Variants in MALRD1 observed in about 807,000 individuals in gnomAD.
MALRD1 encodes the protein MAM and LDL-receptor class A domain-containing protein 1.
Under a neutral mutation model 242.1 loss-of-function variants are expected in MALRD1, and 247 were observed. That is an observed-to-expected ratio of 1.02 (90% CI 0.92 to 1.13). The LOEUF (loss-of-function observed/expected upper bound fraction) is 1.13, where lower values mean the gene tolerates loss of function less well. Ranked by LOEUF, MALRD1 falls within the 50% of genes most tolerant of loss-of-function variation. The pLI is 0.00. For synonymous variants in MALRD1, 995 were observed against 866.6 expected, an observed-to-expected ratio of 1.15 and a Z score of -2.60; for missense variants, 2,989 against 2,533.1, an observed-to-expected ratio of 1.18 and a Z score of -3.86.
At chr10:19,337,803 C>T (rs892041533) in intron 24 of MALRD1, among the ~76,000 whole-genome samples, 1 of 151,980 alleles carries the variant, frequency 6.6e-6, no homozygotes, top group South Asian at 2.1e-4. Flanking sequence ...TGGTTCACGA[C>T]TGTAATCCCA....
intron 26 of MALRD1, among the ~76,000 whole-genome samples, chr10:19,361,828 G>T (rs373078572): frequency 6.6e-6 from 1 of 152,058 alleles, no homozygotes; most frequent in South Asian, 2.1e-4. Context: ...TAGATCATCT[G>T]CATTTAAACC....
At chr10:19,357,407 T>C (rs2131017696) in intron 26 of MALRD1, among the ~76,000 whole-genome samples, 1 of 152,298 alleles carries the variant, frequency 6.6e-6, no homozygotes, top group Non-Finnish European at 1.5e-5. Context: ...TTATCCTGTA[T>C]TTTTTATATC....
Position 19,233,848 on chromosome 10 carries a change from C to CT in MALRD1, c.2992-23827dup, listed in dbSNP as rs10715312. Reference sequence around the variant, plus strand: ...AATTTCTTTTTTCTCCAATTGGTTTCTTTTTTTTTAATGGGGGAGTGTTGC... The same window carrying CT: ...AATTTCTTTTTTCTCCAATTGGTTTCTTTTTTTTTTAATGGGGGAGTGTTGC... On this transcript the variant is annotated intron_variant, in intron 18 of 39. Transcript: ENST00000454679. Among the ~76,000 whole-genome samples, 53 of 150,290 alleles carry CT rather than the reference C, an allele frequency of 3.5e-4. No homozygotes were observed. In the East Asian group the frequency reaches 6.9e-3, roughly 19 times the overall value.
chr10:19,666,134 C>G (rs1841675558), intron 36 of MALRD1, among the ~76,000 whole-genome samples: 1 of 152,140 alleles, frequency 6.6e-6, no homozygotes, highest in Admixed American at 6.5e-5. Context: ...CTGTTTGCTA[C>G]TCCTCATAGT....
chr10:19,195,853 A>C (rs1836215347), intron 14 of MALRD1, among the ~76,000 whole-genome samples: 1 of 152,144 alleles, frequency 6.6e-6, no homozygotes, highest in Non-Finnish European at 1.5e-5. Context: ...CAGCAAGCAC[A>C]TGCAATTTCC....
At chr10:19,182,924 T>C (rs986357604) in intron 14 of MALRD1, among the ~76,000 whole-genome samples, 2 of 152,196 alleles carry the variant, frequency 1.3e-5, no homozygotes, top group Non-Finnish European at 2.9e-5. Flanking sequence ...TTAATCACAG[T>C]ACATTTTATA....
At chr10:19,250,811 G>T (rs10763900) in intron 18 of MALRD1, among the ~76,000 whole-genome samples, 1 of 151,524 alleles carries the variant, frequency 6.6e-6, no homozygotes, top group Non-Finnish European at 1.5e-5. Context: ...CACATCCTCC[G>T]TCTCTCTGCC....
intron 18 of MALRD1, among the ~76,000 whole-genome samples, chr10:19,234,399 G>GT (rs1184346522): frequency 6.6e-6 from 1 of 151,098 alleles, no homozygotes; most frequent in East Asian, 1.9e-4. Context: ...CACAGTTTAT[G>GT]TTTTATTATT....
Position 19,085,923 on chromosome 10 carries a change from C to CTAA in MALRD1, c.341-1914_341-1912dup, listed in dbSNP as rs200905432. Among the ~76,000 whole-genome samples the CTAA allele has an allele frequency of 7.3e-3, 1,116 of 152,006 alleles. 12 individuals are homozygous for CTAA. Among genetic ancestry groups the CTAA allele is most frequent in the African/African-American group, 0.026 (1,073 of 41,496 alleles). The stretch of plus-strand genomic sequence containing the variant: ...CTGAATGCTATTACCATTTGTATTG[C>CTAA]TAATAGTATTATTTAAACCTAAAAT... On this transcript the variant is annotated intron_variant, in intron 2 of 39. Transcript: ENST00000454679.
intron 18 of MALRD1, among the ~76,000 whole-genome samples, chr10:19,212,284 C>T (rs1466195818): frequency 6.6e-6 from 1 of 152,178 alleles, no homozygotes; most frequent in Non-Finnish European, 1.5e-5. Context: ...TGCTTTCTGT[C>T]ACTGGACGGT....
At chr10:19,653,504 G>A (rs1840985619) in intron 36 of MALRD1, among the ~76,000 whole-genome samples, 2 of 152,188 alleles carry the variant, frequency 1.3e-5, no homozygotes, top group East Asian at 1.9e-4. Flanking sequence ...TTGTTCCATA[G>A]GTTTAAAAGT....
chr10:19,144,949 AC>A (rs1833678638), intron 10 of MALRD1, among the ~76,000 whole-genome samples: 1 of 152,196 alleles, frequency 6.6e-6, no homozygotes, highest in Non-Finnish European at 1.5e-5. Context: ...TCCTGTCAAA[AC>A]TATGGGTGTT....
chr10:19,279,094 C>A lies in MALRD1; in HGVS notation c.3080-953C>A, dbSNP rs867659352. Among the ~76,000 whole-genome samples the A allele has an allele frequency of 1.1e-4, 16 of 152,244 alleles. No individual in the cohort carries two copies. In the South Asian group the frequency reaches 3.3e-3, roughly 32 times the overall value. On this transcript the variant is annotated intron_variant, in intron 19 of 39. Coordinates refer to ENST00000454679, the MANE Select transcript of MALRD1 (RefSeq NM_001142308.3). ...CTCCAGAGTTGGCCAGTCGTCCATG[C>A]ACAGAGGAGGAGAGGTCTCATGAAG...
intron 18 of MALRD1, among the ~76,000 whole-genome samples, chr10:19,256,515 G>A (rs1306935191): frequency 6.6e-6 from 1 of 151,942 alleles, no homozygotes; most frequent in Non-Finnish European, 1.5e-5. Flanking sequence ...GTAAAACAGC[G>A]GGACACTTCC....
chr10:19,697,651 A>G (rs1173714109), intron 38 of MALRD1, among the ~76,000 whole-genome samples: 2 of 152,176 alleles, frequency 1.3e-5, no homozygotes, highest in East Asian at 3.9e-4. Context: ...TGAACAGCCT[A>G]TCATATGGAA....
At chr10:19,543,903 A>G (rs890199500) in intron 32 of MALRD1, among the ~76,000 whole-genome samples, 1 of 152,198 alleles carries the variant, frequency 6.6e-6, no homozygotes, top group Admixed American at 6.5e-5. Context: ...CTCTCTACTT[A>G]ACGTTAATTT....
chr10:19,493,446 T>A (rs557648202), intron 30 of MALRD1: 1 of 152,270 alleles, frequency 6.6e-6, no homozygotes, highest in East Asian at 1.9e-4. Context: ...ATTTCTTTCA[T>A]AGTATGTACA....
At chr10:19,488,691 A>G (rs1837338004) in intron 29 of MALRD1, 1 of 197,980 alleles carries the variant, frequency 5.1e-6, no homozygotes, top group African/African-American at 2.3e-5. Context: ...AGAGTCACAG[A>G]AAATGAGACT....
Position 19,280,162 on chromosome 10 carries a change from A to C in MALRD1, c.3195A>C (p.Glu1065Asp). The change falls in exon 20 of 40, where the codon GAA (glutamate) becomes GAC (aspartate). Residue 1065 changes from glutamate (E) to aspartate (D), a missense_variant. Glu to Asp is a conservative substitution (Grantham distance 45). Transcript: ENST00000454679. Reference sequence around the variant, plus strand: ...GCAGGTCTGATGGTCACTGCATTGAAAAAATGCAGAAATGTGATTTTAAAT... The same window carrying C: ...GCAGGTCTGATGGTCACTGCATTGACAAAATGCAGAAATGTGATTTTAAAT... Reference protein sequence around the residue: ...FICRSDGHCIEKMQKCDFKYD... With the variant: ...FICRSDGHCIDKMQKCDFKYD... 5 of 1,544,192 alleles carry C rather than the reference A, an allele frequency of 3.2e-6. No individual in the cohort carries two copies. Among genetic ancestry groups the C allele is most frequent in the Non-Finnish European group, 4.4e-6 (5 of 1,144,918 alleles).
Sources: allele counts gnomAD v4.1 joint callset (sites outside exome capture counted in the v4.1 genomes callset), GRCh38; gene constraint gnomAD v4.1.1; transcripts MANE v1.5; gene names NCBI Gene and HGNC (gene_info 2026-07-23, HGNC 2026-07-21).